The following CD44 variants were observed in gnomAD, a reference collection of about 807,000 sequenced individuals.
CD44 encodes the protein CD44 antigen.
In CD44, 49 loss-of-function variants were observed where a neutral mutation model predicts 88.8. The observed-to-expected ratio is 0.55, with a 90% confidence interval of 0.44 to 0.70. The LOEUF is 0.70. CD44 is among the 30% of genes least tolerant of loss of function. The pLI is 0.00. For missense variants in CD44, 883 were observed against 913.8 expected (o/e 0.97, Z 0.43); for synonymous variants, 325 against 312.3 (o/e 1.04, Z -0.43).
chr11:35,162,896 A>G (rs1157907827), intron 1 of CD44, among the ~76,000 whole-genome samples: 1 of 151,966 alleles, frequency 6.6e-6, no homozygotes, highest in African/African-American at 2.4e-5. Context: ...ACATACATGC[A>G]CACACACACA....
At chr11:35,197,099 G>C (rs1233919782) in intron 6 of CD44, 4 of 411,464 alleles carry the variant, frequency 9.7e-6, no homozygotes, top group Non-Finnish European at 1.8e-5. Context: ...CCAGGAGAAG[G>C]CTAATACAGA....
intron 5 of CD44, among the ~76,000 whole-genome samples, chr11:35,195,916 T>G (rs1286348113): frequency 6.6e-6 from 1 of 152,148 alleles, no homozygotes; most frequent in South Asian, 2.1e-4. Flanking sequence ...GGATTTGGAA[T>G]CTAAATGGAG....
chr11:35,192,894 A>G (rs1946407862), intron 5 of CD44, among the ~76,000 whole-genome samples: 1 of 148,112 alleles, frequency 6.8e-6, no homozygotes. Context: ...TCCCCCTCAT[A>G]CCACTCCTTT....
At chr11:35,173,830 G>C (rs553504205) in intron 1 of CD44, among the ~76,000 whole-genome samples, 1 of 152,232 alleles carries the variant, frequency 6.6e-6, no homozygotes, top group African/African-American at 2.4e-5. Context: ...GTTTAGGTGT[G>C]CCTCTCTCCT....
intron 1 of CD44, among the ~76,000 whole-genome samples, chr11:35,141,366 A>C (rs1163189725): frequency 6.6e-6 from 1 of 152,210 alleles, no homozygotes; most frequent in Admixed American, 6.5e-5. Context: ...GGAAAGTTCC[A>C]AAAGGGACTG....
chr11:35,173,162 T>C (rs544351541), intron 1 of CD44, among the ~76,000 whole-genome samples: 1 of 152,346 alleles, frequency 6.6e-6, no homozygotes, highest in South Asian at 2.1e-4. Context: ...TCAGAGTTGA[T>C]TTTTAACCTG....
intron 1 of CD44, among the ~76,000 whole-genome samples, chr11:35,152,494 G>A (rs1860514243): frequency 6.6e-6 from 1 of 152,200 alleles, no homozygotes; most frequent in Admixed American, 6.5e-5. Flanking sequence ...TCAATATACT[G>A]TGTGAACCAT....
intron 2 of CD44, among the ~76,000 whole-genome samples, chr11:35,177,446 C>A (rs1441604139): frequency 6.6e-6 from 1 of 152,192 alleles, no homozygotes; most frequent in Non-Finnish European, 1.5e-5. Context: ...CGGTGGCAAT[C>A]ACAGTGAATT....
chr11:35,223,040 G>A (rs775074877), intron 17 of CD44: 84 of 985,190 alleles, frequency 8.5e-5, no homozygotes, highest in Non-Finnish European at 1.0e-4. Flanking sequence ...TAATTACGCT[G>A]GTACAAGTTA....
intron 1 of CD44, among the ~76,000 whole-genome samples, chr11:35,163,498 G>A (rs530258987): frequency 6.6e-6 from 1 of 152,244 alleles, no homozygotes; most frequent in African/African-American, 2.4e-5. Context: ...TCTGTCCTGG[G>A]AAGAACAAAT....
intron 1 of CD44, among the ~76,000 whole-genome samples, chr11:35,176,039 ATTTTT>A (rs201610565): frequency 1.0e-3 from 103 of 102,250 alleles, no homozygotes; most frequent in African/African-American, 3.4e-3. Flanking sequence ...TAATTTTTGT[ATTTTT>A]TTTTTTTTTT....
intron 1 of CD44, among the ~76,000 whole-genome samples, chr11:35,145,265 C>G (rs1367561838): frequency 2.0e-5 from 3 of 152,164 alleles, no homozygotes. Flanking sequence ...TAATATTGAC[C>G]CATAACTGTT....
At position 35,230,320 on chromosome 11, in the gene CD44, C is replaced by T. The variant is rs1192781140; in HGVS notation, c.*987C>T. Reference sequence around the variant, plus strand: ...AGCCTCTTTTATGGTTTAATGGCCACCTGTTCTCTCCTGTGAAAGGCTTTG... The same window carrying T: ...AGCCTCTTTTATGGTTTAATGGCCATCTGTTCTCTCCTGTGAAAGGCTTTG... On this transcript the variant is annotated 3_prime_UTR_variant, in exon 18 of 18. Coordinates refer to ENST00000428726, the MANE Select transcript of CD44 (RefSeq NM_000610.4). 6.6e-6 allele frequency: 1 copy of T among 152,042 alleles called. No homozygotes were observed. Among genetic ancestry groups the T allele is most frequent in the East Asian group, 1.9e-4 (1 of 5,198 alleles). 9.4% of individuals were successfully genotyped at this position (152,042 alleles called of 1,614,324 possible). A position where few individuals can be genotyped will look rare whatever the true frequency, so the allele number is the denominator to read the frequency against.
Position 35,206,672 on chromosome 11 carries a change from G to GGGC in CD44, c.1414+431_1414+432insCGG, listed in dbSNP as rs758581511. Among the ~76,000 whole-genome samples, 109 of 150,872 alleles carry GGGC rather than the reference G, an allele frequency of 7.2e-4. 4 individuals are homozygous for GGGC. The East Asian group carries it at 0.02, about 27-fold the overall frequency. On this transcript the variant is annotated intron_variant, in intron 11 of 17. Coordinates refer to ENST00000428726, the MANE Select transcript of CD44 (RefSeq NM_000610.4). ...GGAAGTGGGTGGTGGGGGTTGGTGG[G>GGGC]GGGGGCAGTTTTCCTAAGAAGGAGA...
intron 17 of CD44, chr11:35,222,686 T>C (rs961135984): frequency 3.3e-6 from 3 of 915,434 alleles, no homozygotes; most frequent in Non-Finnish European, 2.6e-6. Context: ...GGGGTATAAA[T>C]CTAAATTTAT....
intron 10 of CD44, chr11:35,205,602 A>G (rs1947749293): frequency 6.4e-6 from 1 of 155,644 alleles, no homozygotes; most frequent in South Asian, 2.0e-4. Context: ...TTAGAAGGTA[A>G]TGCTTCTAAC....
intron 1 of CD44, among the ~76,000 whole-genome samples, chr11:35,140,197 T>C (rs1258378431): frequency 2.6e-5 from 4 of 152,314 alleles, no homozygotes; most frequent in Non-Finnish European, 2.9e-5. Flanking sequence ...ACCCTGGAGC[T>C]AGGGCTCCAA....
intron 14 of CD44, among the ~76,000 whole-genome samples, chr11:35,213,039 G>A (rs1948536679): frequency 6.6e-6 from 1 of 151,780 alleles, no homozygotes; most frequent in South Asian, 2.1e-4. Flanking sequence ...GGCCAGGCTG[G>A]TCTCGAACTC....
intron 12 of CD44, among the ~76,000 whole-genome samples, chr11:35,208,600 T>C (rs1565136087): frequency 1.3e-5 from 2 of 152,184 alleles, no homozygotes; most frequent in Non-Finnish European, 2.9e-5. Flanking sequence ...ATTGCTTGCA[T>C]GGTTGTAAAA....
Sources: allele counts gnomAD v4.1 joint callset (sites outside exome capture counted in the v4.1 genomes callset), GRCh38; gene constraint gnomAD v4.1.1; transcripts MANE v1.5; gene names NCBI Gene and HGNC (gene_info 2026-07-23, HGNC 2026-07-21).